The following COL8A1 variants were observed in gnomAD, a reference collection of about 807,000 sequenced individuals.
COL8A1 encodes collagen alpha-1(VIII) chain.
In COL8A1, 21 loss-of-function variants were observed where a neutral mutation model predicts 42.7. That is an observed-to-expected ratio of 0.49 (90% CI 0.35 to 0.71). The LOEUF (loss-of-function observed/expected upper bound fraction) is 0.71, where lower values mean the gene tolerates loss of function less well. Ranked by LOEUF, COL8A1 falls within the 30% of genes least tolerant of loss-of-function variation. The pLI is 0.01. For missense variants in COL8A1, 788 were observed against 962.4 expected (o/e 0.82, Z 2.40); for synonymous variants, 367 against 369.1 (o/e 0.99, Z 0.06).
intron 1 of COL8A1, among the ~76,000 whole-genome samples, chr3:99,656,668 T>C (rs910369761): frequency 2.6e-5 from 4 of 152,208 alleles, no homozygotes; most frequent in Admixed American, 2.6e-4. Flanking sequence ...CTGCTTTTCT[T>C]TCCTTACAAT....
chr3:99,665,463 G>A (rs539731431), intron 1 of COL8A1, among the ~76,000 whole-genome samples: 2 of 152,114 alleles, frequency 1.3e-5, no homozygotes, highest in African/African-American at 2.4e-5. Context: ...TATAAGGAGC[G>A]ATTGGTGAAT....
chr3:99,678,437 CG>C (rs2107320302), intron 1 of COL8A1: 1 of 152,164 alleles, frequency 6.6e-6, no homozygotes, highest in East Asian at 1.9e-4. Context: ...ATGGTGAATA[CG>C]GAAGGGGAGA....
chr3:99,670,595 T>C (rs1938513616), intron 1 of COL8A1, among the ~76,000 whole-genome samples: 1 of 152,120 alleles, frequency 6.6e-6, no homozygotes, highest in Admixed American at 6.6e-5. Context: ...TACCCATCAC[T>C]TCATTTAGTT....
At position 99,795,137 on chromosome 3, in the gene COL8A1, C is replaced by T; in HGVS notation, c.1236C>T (p.Pro412=). 1.2e-6 allele frequency: 2 copies of T among 1,613,612 alleles called. No individual in the cohort carries two copies. The highest frequency in any genetic ancestry group is 1.1e-5 in the South Asian group (1 of 91,042). ...CAGGTGCTATTGGTTTTCCTGGACC[C>T]AAAGGAGAAGGTGGGATTGTAGGGC... ...GPPGAIGFPG[P]KGEGGIVGPQ... Residue 412 remains proline, a synonymous_variant, in exon 4 of 4, where the codon CCC becomes CCT. Coordinates refer to ENST00000652472, the MANE Select transcript of COL8A1 (RefSeq NM_020351.4).
At chr3:99,664,482 TAAAAA>T (rs113465524) in intron 1 of COL8A1, among the ~76,000 whole-genome samples, 1 of 149,112 alleles carries the variant, frequency 6.7e-6, no homozygotes, top group Non-Finnish European at 1.5e-5. Context: ...TAAAGTATAA[TAAAAA>T]AAAAATAAAA....
At chr3:99,733,738 G>T (rs111420850) in intron 1 of COL8A1, among the ~76,000 whole-genome samples, 9,747 of 148,290 alleles carry the variant, frequency 0.066, 395 homozygotes, top group Middle Eastern at 0.1. Flanking sequence ...ACTTCCACAA[G>T]GGTTGAACTA....
intron 3 of COL8A1, 64 bp downstream of exon 3, chr3:99,791,074 A>G (rs1436025667): frequency 7.2e-7 from 1 of 1,387,928 alleles, no homozygotes; most frequent in Non-Finnish European, 9.8e-7. Flanking sequence ...TTATGGGATC[A>G]GAGGGGGAAG....
At chr3:99,759,115 T>TTTTG (rs1339849192) in intron 2 of COL8A1, among the ~76,000 whole-genome samples, 1 of 151,738 alleles carries the variant, frequency 6.6e-6, no homozygotes, top group Non-Finnish European at 1.5e-5. Context: ...CCTTTTTTTT[T>TTTTG]TTTTTAAGCA....
chr3:99,661,166 A>G (rs2107301278), intron 1 of COL8A1, among the ~76,000 whole-genome samples: 1 of 152,356 alleles, frequency 6.6e-6, no homozygotes, highest in African/African-American at 2.4e-5. Context: ...ATAACAAGAC[A>G]GATGATAGAA....
chr3:99,704,787 C>T (rs1939634003), intron 1 of COL8A1, among the ~76,000 whole-genome samples: 1 of 152,070 alleles, frequency 6.6e-6, no homozygotes, highest in Admixed American at 6.6e-5. Flanking sequence ...CAAAGTGCAC[C>T]TCTAGGAGTG....
intron 1 of COL8A1, among the ~76,000 whole-genome samples, chr3:99,668,232 T>G (rs1938425537): frequency 6.6e-6 from 1 of 152,158 alleles, no homozygotes; most frequent in African/African-American, 2.4e-5. Context: ...AAAAAGAAAT[T>G]CCTGACTAAA....
At chr3:99,784,384 G>A (rs1941852207) in intron 2 of COL8A1, among the ~76,000 whole-genome samples, 1 of 152,204 alleles carries the variant, frequency 6.6e-6, no homozygotes, top group Non-Finnish European at 1.5e-5. Context: ...TAAAGTATTT[G>A]AAGTATAGTT....
At chr3:99,705,739 C>G (rs1485974240) in intron 1 of COL8A1, among the ~76,000 whole-genome samples, 1 of 152,074 alleles carries the variant, frequency 6.6e-6, no homozygotes, top group African/African-American at 2.4e-5. Flanking sequence ...AGCAGGGAGA[C>G]TTTGCTCTTG....
At position 99,794,692 on chromosome 3, in the gene COL8A1, G is replaced by A. The variant is rs371685094; in HGVS notation, c.791G>A (p.Gly264Asp). ...KGPPGMHGPPGPVGLPGVGKP... is the reference protein window; with the variant it reads ...KGPPGMHGPPDPVGLPGVGKP... ...CCTCCAGGGATGCACGGCCCTCCCG[G>A]CCCTGTTGGACTGCCAGGAGTGGGC... is the stretch of plus-strand genomic sequence containing the variant. The change falls in exon 4 of 4, where the codon GGC (glycine) becomes GAC (aspartate). Residue 264 changes from glycine (G) to aspartate (D), a missense_variant. Transcript: ENST00000652472. This position sits in a 1 kb window ranked among gnomAD's most constrained non-coding sequence, Gnocchi z 4.3. 1 of 1,613,424 alleles carries A rather than the reference G, an allele frequency of 6.2e-7. No homozygotes were observed. Among genetic ancestry groups the A allele is most frequent in the Non-Finnish European group, 8.5e-7 (1 of 1,179,750 alleles).
At chr3:99,704,453 G>A (rs1939625125) in intron 1 of COL8A1, among the ~76,000 whole-genome samples, 1 of 151,708 alleles carries the variant, frequency 6.6e-6, no homozygotes, top group South Asian at 2.1e-4. Context: ...GGGTACATGT[G>A]CACAACATGC....
intron 2 of COL8A1, among the ~76,000 whole-genome samples, chr3:99,749,390 G>A (rs4928144): frequency 0.22 from 33,730 of 151,448 alleles, 4,402 homozygotes; most frequent in African/African-American, 0.36. Flanking sequence ...TCATGACAGT[G>A]TAAGAATATT....
intron 2 of COL8A1, among the ~76,000 whole-genome samples, chr3:99,764,543 G>T (rs548154601): frequency 6.1e-4 from 93 of 152,278 alleles, no homozygotes; most frequent in Admixed American, 4.1e-3. Flanking sequence ...CCTGGAGGTA[G>T]ATTCCCTGAG....
intron 1 of COL8A1, among the ~76,000 whole-genome samples, chr3:99,721,231 G>A (rs1023940075): frequency 5.9e-5 from 9 of 152,048 alleles, no homozygotes; most frequent in East Asian, 1.9e-4. Context: ...AACAATTAAT[G>A]TGAGTTGTGT....
chr3:99,670,436 G>T (rs904197015), intron 1 of COL8A1, among the ~76,000 whole-genome samples: 2 of 152,006 alleles, frequency 1.3e-5, no homozygotes, highest in Admixed American at 1.3e-4. Context: ...GAGAAAGCTG[G>T]TGAGTCTTAG....
Sources: gnomAD v4.1 joint callset for allele counts (sites outside exome capture counted in the v4.1 genomes callset) on GRCh38, gnomAD v4.1.1 for gene constraint, Gnocchi (gnomAD v3.1) non-coding constraint, MANE v1.5 for transcripts, NCBI Gene and HGNC (gene_info 2026-07-23, HGNC 2026-07-21) for gene names.